CDH12: variants seen among roughly 807,000 people sequenced by gnomAD.
The protein encoded by CDH12 is cadherin 12.
In CDH12, 41 loss-of-function variants were observed where a neutral mutation model predicts 74.1. The ratio of observed to expected loss-of-function variants is 0.55; its 90% CI spans 0.43 to 0.72. The LOEUF is 0.72. Among genes scored for constraint, CDH12 ranks in the 30% least tolerant of loss-of-function variants. The probability of loss-of-function intolerance (pLI) is 0.00; values close to 1 mark genes in which losing one functional copy is unlikely to be tolerated. For missense variants in CDH12, 945 were observed against 977.2 expected (o/e 0.97, Z 0.44); for synonymous variants, 399 against 355.0 (o/e 1.12, Z -1.39).
chr5:22,492,434 G>GCCACC (rs1746913751), intron 2 of CDH12, among the ~76,000 whole-genome samples: 1 of 150,626 alleles, frequency 6.6e-6, no homozygotes, highest in South Asian at 2.1e-4. Flanking sequence ...TGCAACCTCT[G>GCCACC]CCACCCGGGG....
intron 1 of CDH12, among the ~76,000 whole-genome samples, chr5:22,536,063 T>TA (rs1737829950): frequency 6.6e-6 from 1 of 152,208 alleles, no homozygotes; most frequent in South Asian, 2.1e-4. Context: ...AAAACAATGC[T>TA]ATTTTGTATA....
At chr5:22,392,683 T>C (rs1418860946) in intron 3 of CDH12, among the ~76,000 whole-genome samples, 1 of 152,160 alleles carries the variant, frequency 6.6e-6, no homozygotes, top group Non-Finnish European at 1.5e-5. Flanking sequence ...GTGAAAATTG[T>C]TTAAAGCACA....
chr5:22,801,899 T>C (rs1748548507), intron 1 of CDH12, among the ~76,000 whole-genome samples: 1 of 151,548 alleles, frequency 6.6e-6, no homozygotes, highest in South Asian at 2.1e-4. Flanking sequence ...ATTTACTCTA[T>C]CCTTACTTCC....
At chr5:22,504,846 T>G (rs886568853) in intron 2 of CDH12, among the ~76,000 whole-genome samples, 3 of 151,952 alleles carry the variant, frequency 2.0e-5, no homozygotes, top group Admixed American at 6.6e-5. Context: ...CCCTTTGAAA[T>G]GAGACGTATC....
intron 3 of CDH12, among the ~76,000 whole-genome samples, chr5:22,358,219 G>A (rs1238988583): frequency 6.6e-6 from 1 of 152,214 alleles, no homozygotes; most frequent in Non-Finnish European, 1.5e-5. Flanking sequence ...GACTAGCCTA[G>A]CCAACATGAC....
chr5:22,415,795 T>C (rs1451843529), intron 2 of CDH12, among the ~76,000 whole-genome samples: 1 of 152,160 alleles, frequency 6.6e-6, no homozygotes, highest in African/African-American at 2.4e-5. Flanking sequence ...GGTGCTACTA[T>C]TAAAAATATC....
chr5:22,625,842 C>A (rs1235686232), intron 1 of CDH12, among the ~76,000 whole-genome samples: 1 of 152,170 alleles, frequency 6.6e-6, no homozygotes, highest in Non-Finnish European at 1.5e-5. Context: ...ACTCAACCAG[C>A]CCACTTTCAG....
intron 1 of CDH12, among the ~76,000 whole-genome samples, chr5:22,675,476 C>T (rs1741116805): frequency 6.6e-6 from 1 of 152,180 alleles, no homozygotes; most frequent in South Asian, 2.1e-4. Flanking sequence ...AACTAACTTG[C>T]TTTTGATTCT....
rs185126476 is a variant in CDH12 at position 22,622,205 on chromosome 5, G to C, written c.-522-116841C>G. ...TACTAGACAAAGTTATAAATAAGCT[G>C]TTATAAATAAGCTATTACTAATATG... On this transcript the variant is annotated intron_variant, in intron 1 of 14. Transcript: ENST00000382254. 2.4e-3 allele frequency among the ~76,000 whole-genome samples: 370 copies of C among 152,208 alleles called. 2 individuals carry two copies. The highest frequency in any genetic ancestry group is 4.2e-3 in the Non-Finnish European group (287 of 67,994).
At chr5:22,096,662 C>G (rs750568965) in intron 4 of CDH12, among the ~76,000 whole-genome samples, 1 of 152,044 alleles carries the variant, frequency 6.6e-6, no homozygotes, top group African/African-American at 2.4e-5. Flanking sequence ...GAGCTAAAGG[C>G]ATAGTTAAGT....
chr5:22,246,395 T>C (rs1315122540), intron 3 of CDH12, among the ~76,000 whole-genome samples: 2 of 152,138 alleles, frequency 1.3e-5, no homozygotes, highest in Non-Finnish European at 2.9e-5. Flanking sequence ...ATTTCAAATA[T>C]CTTAGAACCA....
chr5:22,059,344 T>C lies in CDH12; in HGVS notation c.231+19102A>G, dbSNP rs773791369. 2.4e-3 allele frequency among the ~76,000 whole-genome samples: 232 copies of C among 95,626 alleles called. 1 individual carries two copies. Among genetic ancestry groups the C allele is most frequent in the East Asian group, 0.01 (22 of 2,154 alleles). 62.7% of individuals were successfully genotyped at this position (95,626 alleles called of 152,430 possible). The stretch of plus-strand genomic sequence containing the variant: ...ATCTATCGTCTATCTATCATCTATC[T>C]ATCTATCTATCTATCTATCTATCTA... On this transcript the variant is annotated intron_variant, in intron 5 of 14. Transcript: ENST00000382254.
rs1487575886 is a variant in CDH12 at position 22,315,234 on chromosome 5, TTACTGGCGTGA to T, written c.-333+90012_-333+90022del. ...GCCTCGGCCTCGCAAAGTGCTGGGATTACTGGCGTGAGCCACCGCGCCCGGCCTGGGCTGTT... is the reference window on the plus strand; with the variant it reads ...GCCTCGGCCTCGCAAAGTGCTGGGATGCCACCGCGCCCGGCCTGGGCTGTT... On this transcript the variant is annotated intron_variant, in intron 3 of 14. Coordinates refer to ENST00000382254, the MANE Select transcript of CDH12 (RefSeq NM_004061.5). Among the ~76,000 whole-genome samples, 4 of 149,904 alleles carry T rather than the reference TTACTGGCGTGA, an allele frequency of 2.7e-5. No homozygotes were observed. The Admixed American group carries it at 2.7e-4, about 10-fold the overall frequency.
chr5:22,650,086 G>T (rs1739653439), intron 1 of CDH12, among the ~76,000 whole-genome samples: 1 of 151,998 alleles, frequency 6.6e-6, no homozygotes, highest in Non-Finnish European at 1.5e-5. Flanking sequence ...CTGTAATTAT[G>T]TAAAGGCTAA....
chr5:22,263,707 A>G (rs1753605656), intron 3 of CDH12, among the ~76,000 whole-genome samples: 1 of 152,128 alleles, frequency 6.6e-6, no homozygotes, highest in Non-Finnish European at 1.5e-5. Context: ...AATCATAATC[A>G]TAATAACTGA....
intron 5 of CDH12, among the ~76,000 whole-genome samples, chr5:21,985,378 A>T (rs1757470796): frequency 6.6e-6 from 1 of 152,090 alleles, no homozygotes; most frequent in Admixed American, 6.6e-5. Flanking sequence ...CAGTTACAGA[A>T]TCTTCTGATA....
chr5:22,186,834 A>C (rs1047983918), intron 4 of CDH12, among the ~76,000 whole-genome samples: 1 of 152,198 alleles, frequency 6.6e-6, no homozygotes, highest in African/African-American at 2.4e-5. Context: ...GACACAGTTG[A>C]TAGAAAATGG....
chr5:22,635,886 C>G (rs268988), intron 1 of CDH12, among the ~76,000 whole-genome samples: 51,690 of 151,646 alleles, frequency 0.34, 9,229 homozygotes, highest in African/African-American at 0.44. Context: ...CTGCTCCAGC[C>G]TGGGCCACAG....
chr5:22,223,194 T>C (rs1288074499), intron 3 of CDH12, among the ~76,000 whole-genome samples: 2 of 152,008 alleles, frequency 1.3e-5, no homozygotes, highest in Non-Finnish European at 2.9e-5. Flanking sequence ...AAAGTTCTGA[T>C]GTTTTGGGGA....
Sources: gnomAD v4.1 joint callset for allele counts (sites outside exome capture counted in the v4.1 genomes callset) on GRCh38, gnomAD v4.1.1 for gene constraint, MANE v1.5 for transcripts, NCBI Gene and HGNC (gene_info 2026-07-23, HGNC 2026-07-21) for gene names.